CCSER1: variants seen among roughly 807,000 people sequenced by gnomAD.
CCSER1 encodes coiled-coil serine rich protein 1.
CCSER1 carries 41 observed loss-of-function variants against 82.0 expected under a neutral mutation model. The ratio of observed to expected loss-of-function variants is 0.50; its 90% CI spans 0.39 to 0.65. The LOEUF (loss-of-function observed/expected upper bound fraction) is 0.65, where lower values mean the gene tolerates loss of function less well. Ranked by LOEUF, CCSER1 falls within the 30% of genes least tolerant of loss-of-function variation. The pLI is 0.00. For synonymous variants in CCSER1, 414 were observed against 383.9 expected (o/e 1.08, Z -0.92); for missense variants, 1,119 against 1,064.2 (o/e 1.05, Z -0.72).
rs549378623 is a variant in CCSER1 at position 90,274,838 on chromosome 4, T to C, written c.-41-33406T>C. Among the ~76,000 whole-genome samples, 5 of 152,194 alleles carry C rather than the reference T, an allele frequency of 3.3e-5. 1 individual carries two copies. The South Asian group carries it at 1.0e-3, about 32-fold the overall frequency. On this transcript the variant is annotated intron_variant, in intron 1 of 10. Coordinates refer to ENST00000509176, the MANE Select transcript of CCSER1 (RefSeq NM_001145065.2). ...ATTTTAAATGGATACATTAAACATA[T>C]CAAAAGGAAAAGATCAAATTAGAAA...
chr4:90,598,920 T>C (rs1254393640), intron 5 of CCSER1, among the ~76,000 whole-genome samples: 1 of 152,152 alleles, frequency 6.6e-6, no homozygotes, highest in Non-Finnish European at 1.5e-5. Context: ...GGTGCAATGA[T>C]GGCAAAACCT....
At position 90,780,706 on chromosome 4, in the gene CCSER1, G is replaced by C. The variant is rs148780845; in HGVS notation, c.2011-35056G>C. ...CTCTGTAAGCAAGACAAACGGTCAGGAGGCCTCCTTGCTCCAAGAATACTC... is the reference window on the plus strand; with the variant it reads ...CTCTGTAAGCAAGACAAACGGTCAGCAGGCCTCCTTGCTCCAAGAATACTC... On this transcript the variant is annotated intron_variant, in intron 7 of 10. Coordinates refer to ENST00000509176, the MANE Select transcript of CCSER1 (RefSeq NM_001145065.2). The C allele has an allele frequency of 1.9e-4, 252 of 1,312,714 alleles. No individual in the cohort carries two copies. In the African/African-American group the frequency reaches 3.4e-3, roughly 17 times the overall value. 81.3% of individuals were successfully genotyped at this position (1,312,714 alleles called of 1,614,324 possible).
In CCSER1 at chr4:91,214,628, G is replaced by A. The variant is rs572840136; in HGVS notation, c.2217+128634G>A. ...TGTTGAAACAACTCTGGTTAAAACA[G>A]AGCTTGGAAAATAGCATATTTACTA... On this transcript the variant is annotated intron_variant, in intron 10 of 10. Transcript: ENST00000509176. Among the ~76,000 whole-genome samples, 28 of 152,212 alleles carry A rather than the reference G, an allele frequency of 1.8e-4. No individual in the cohort carries two copies. In the South Asian group the frequency reaches 5.2e-3, roughly 28 times the overall value.
chr4:91,081,942 T>C (rs1722807784), intron 9 of CCSER1, among the ~76,000 whole-genome samples: 1 of 152,202 alleles, frequency 6.6e-6, no homozygotes, highest in Non-Finnish European at 1.5e-5. Context: ...GAACATTCCA[T>C]GCTCATGGGT....
At chr4:90,887,113 A>C (rs1223468609) in intron 8 of CCSER1, among the ~76,000 whole-genome samples, 1 of 152,180 alleles carries the variant, frequency 6.6e-6, no homozygotes, top group Non-Finnish European at 1.5e-5. Context: ...TTTAGGCATC[A>C]GGTTTCTGGT....
intron 10 of CCSER1, among the ~76,000 whole-genome samples, chr4:91,489,414 T>C (rs1156499364): frequency 6.6e-6 from 1 of 152,182 alleles, no homozygotes; most frequent in African/African-American, 2.4e-5. Flanking sequence ...TATCCCTTAC[T>C]ATCTTGCTTA....
chr4:91,554,011 AAGCATTT>A (rs1762292094), intron 10 of CCSER1, among the ~76,000 whole-genome samples: 1 of 151,130 alleles, frequency 6.6e-6, no homozygotes, highest in Non-Finnish European at 1.5e-5. Context: ...TTCTTAATGT[AAGCATTT>A]ATCATTATAA....
At chr4:91,141,905 C>T (rs1729067847) in intron 10 of CCSER1, among the ~76,000 whole-genome samples, 1 of 152,114 alleles carries the variant, frequency 6.6e-6, no homozygotes, top group Non-Finnish European at 1.5e-5. Context: ...TTGTTAGCTG[C>T]TTGCATGTCT....
chr4:90,712,268 A>T (rs990363665), intron 6 of CCSER1, among the ~76,000 whole-genome samples: 7 of 151,740 alleles, frequency 4.6e-5, no homozygotes, highest in African/African-American at 1.7e-4. Context: ...TAACTTTTTG[A>T]TGTGGACATT....
intron 10 of CCSER1, among the ~76,000 whole-genome samples, chr4:91,411,487 TATAC>T (rs1223451214): frequency 7.6e-5 from 4 of 52,856 alleles, no homozygotes; most frequent in African/African-American, 1.2e-4. Context: ...TTTCTGCATA[TATAC>T]ATATATATAT....
At chr4:90,413,310 A>G (rs560267098) in intron 4 of CCSER1, among the ~76,000 whole-genome samples, 2 of 152,362 alleles carry the variant, frequency 1.3e-5, no homozygotes, top group East Asian at 3.9e-4. Context: ...TGACACAAAC[A>G]AATGGAAACA....
At chr4:91,005,595 T>C (rs1738435900) in intron 9 of CCSER1, among the ~76,000 whole-genome samples, 1 of 152,218 alleles carries the variant, frequency 6.6e-6, no homozygotes, top group Non-Finnish European at 1.5e-5. Context: ...TAAGTAAGTA[T>C]ACAGTATGGT....
intron 10 of CCSER1, among the ~76,000 whole-genome samples, chr4:91,522,120 C>T (rs1419059102): frequency 1.3e-5 from 2 of 152,154 alleles, no homozygotes; most frequent in Non-Finnish European, 2.9e-5. Flanking sequence ...TTTCCCAGCA[C>T]CATTTATTAT....
intron 9 of CCSER1, among the ~76,000 whole-genome samples, chr4:91,082,589 A>G (rs1722893678): frequency 6.6e-6 from 1 of 152,208 alleles, no homozygotes; most frequent in African/African-American, 2.4e-5. Flanking sequence ...GAGCTTCTGC[A>G]CAGCAAAAGA....
At chr4:91,172,012 C>A (rs932441920) in intron 10 of CCSER1, among the ~76,000 whole-genome samples, 2 of 151,848 alleles carry the variant, frequency 1.3e-5, no homozygotes, top group Non-Finnish European at 2.9e-5. Context: ...AAAAAAAATC[C>A]TATTATTCAA....
intron 6 of CCSER1, among the ~76,000 whole-genome samples, chr4:90,700,759 A>T (rs1737918573): frequency 6.6e-6 from 1 of 152,190 alleles, no homozygotes; most frequent in Non-Finnish European, 1.5e-5. Context: ...GCATTTGTTC[A>T]TGTGTCTGTT....
At chr4:90,923,478 T>G in intron 9 of CCSER1, 31 bp downstream of exon 9, 11 of 1,450,542 alleles carry the variant, frequency 7.6e-6, no homozygotes, top group Non-Finnish European at 9.5e-6. Context: ...ATTTTTAACT[T>G]CATTATTGGC....
At chr4:90,271,122 A>G (rs1726194811) in intron 1 of CCSER1, among the ~76,000 whole-genome samples, 1 of 152,178 alleles carries the variant, frequency 6.6e-6, no homozygotes, top group African/African-American at 2.4e-5. Flanking sequence ...CATTTCTCTC[A>G]GAAATAGAAA....
chr4:90,278,173 A>C (rs1333540826), intron 1 of CCSER1, among the ~76,000 whole-genome samples: 1 of 152,114 alleles, frequency 6.6e-6, no homozygotes, highest in Non-Finnish European at 1.5e-5. Flanking sequence ...GAAAAGTCAA[A>C]AAATGGCAGA....
Sources: allele counts gnomAD v4.1 joint callset (sites outside exome capture counted in the v4.1 genomes callset), GRCh38; gene constraint gnomAD v4.1.1; transcripts MANE v1.5; gene names NCBI Gene and HGNC (gene_info 2026-07-23, HGNC 2026-07-21).